The following NAALADL2 variants were observed in gnomAD, a reference collection of about 807,000 sequenced individuals.
NAALADL2 encodes inactive N-acetylated-alpha-linked acidic dipeptidase-like protein 2.
A neutral mutation model predicts 87.2 loss-of-function variants in NAALADL2; 76 were observed. The ratio of observed to expected loss-of-function variants is 0.87; its 90% CI spans 0.72 to 1.05. The LOEUF is 1.05. Among genes scored for constraint, NAALADL2 ranks in the 50% least tolerant of loss-of-function variants. The pLI is 0.00. For missense variants in NAALADL2, 1,089 were observed against 945.8 expected, an observed-to-expected ratio of 1.15 and a Z score of -1.99; for synonymous variants, 354 against 331.0, an observed-to-expected ratio of 1.07 and a Z score of -0.75.
chr3:175,789,352 T>G (rs1210781737), intron 13 of NAALADL2, among the ~76,000 whole-genome samples: 1 of 152,216 alleles, frequency 6.6e-6, no homozygotes. Context: ...CTCTTTTGTA[T>G]ATGTCTTCTC....
intron 11 of NAALADL2, chr3:175,718,712 G>T: frequency 6.9e-7 from 1 of 1,444,038 alleles, no homozygotes; most frequent in East Asian, 2.3e-5. Flanking sequence ...GATCACTTGA[G>T]GCGTGGAGAT....
At chr3:174,651,979 C>T (rs1219392490) in intron 2 of NAALADL2, among the ~76,000 whole-genome samples, 2 of 152,152 alleles carry the variant, frequency 1.3e-5, no homozygotes, top group Non-Finnish European at 2.9e-5. Context: ...AAGCTTGTCC[C>T]ATAACCAGCC....
intron 1 of NAALADL2, among the ~76,000 whole-genome samples, chr3:174,863,215 C>T (rs1473360966): frequency 6.6e-6 from 1 of 152,120 alleles, no homozygotes; most frequent in East Asian, 1.9e-4. Flanking sequence ...CTGCTCAAAA[C>T]TGCGTTTGCT....
chr3:175,287,760 G>C (rs1228600410), intron 4 of NAALADL2, among the ~76,000 whole-genome samples: 1 of 152,174 alleles, frequency 6.6e-6, no homozygotes, highest in Non-Finnish European at 1.5e-5. Flanking sequence ...AAATGGAATG[G>C]ATACATTTGC....
intron 1 of NAALADL2, among the ~76,000 whole-genome samples, chr3:174,468,716 G>T (rs1716693698): frequency 6.8e-6 from 1 of 147,932 alleles, no homozygotes; most frequent in Non-Finnish European, 1.5e-5. Context: ...AATATACCCA[G>T]ATTTACCTCT....
intron 1 of NAALADL2, among the ~76,000 whole-genome samples, chr3:175,050,120 C>T (rs771027470): frequency 1.3e-5 from 2 of 152,018 alleles, no homozygotes; most frequent in Non-Finnish European, 2.9e-5. Flanking sequence ...GTGAGTGTGC[C>T]CTGGGATGAA....
chr3:174,930,345 C>A (rs143949871), intron 1 of NAALADL2, among the ~76,000 whole-genome samples: 2 of 151,804 alleles, frequency 1.3e-5, no homozygotes, highest in Non-Finnish European at 2.9e-5. Flanking sequence ...GCTTTACTTG[C>A]GCTACATGTA....
intron 2 of NAALADL2, among the ~76,000 whole-genome samples, chr3:174,606,964 T>G (rs1406628259): frequency 6.6e-6 from 1 of 152,048 alleles, no homozygotes; most frequent in African/African-American, 2.4e-5. Flanking sequence ...TAACAGCGGA[T>G]CTCTCGGCAG....
At chr3:174,669,463 A>G (rs995560718) in intron 2 of NAALADL2, among the ~76,000 whole-genome samples, 30 of 152,108 alleles carry the variant, frequency 2.0e-4, no homozygotes, top group Non-Finnish European at 4.0e-4. Flanking sequence ...ACATGTGGCT[A>G]TCCAGTTTTC....
At chr3:174,559,843 T>G (rs1713366108) in intron 2 of NAALADL2, among the ~76,000 whole-genome samples, 1 of 152,168 alleles carries the variant, frequency 6.6e-6, no homozygotes, top group African/African-American at 2.4e-5. Context: ...AGGATTAAGA[T>G]TTCAAGGAAT....
At chr3:175,367,434 A>C (rs1008126283) in intron 5 of NAALADL2, among the ~76,000 whole-genome samples, 3 of 151,996 alleles carry the variant, frequency 2.0e-5, no homozygotes, top group Non-Finnish European at 4.4e-5. Context: ...CATTGAATCT[A>C]TAAATTACCT....
At chr3:174,894,594 C>CAA (rs869161862) in intron 1 of NAALADL2, among the ~76,000 whole-genome samples, 2 of 48,476 alleles carry the variant, frequency 4.1e-5, no homozygotes, top group Non-Finnish European at 7.0e-5. Context: ...AACTCCGTCT[C>CAA]AAAAAAAAAA....
chr3:175,652,846 C>T (rs904279359), intron 11 of NAALADL2, among the ~76,000 whole-genome samples: 4 of 151,956 alleles, frequency 2.6e-5, no homozygotes, highest in African/African-American at 9.7e-5. Flanking sequence ...TTGAACTATA[C>T]GGGGGTTAGG....
At chr3:175,017,916 C>T (rs745800714) in intron 1 of NAALADL2, among the ~76,000 whole-genome samples, 7 of 151,868 alleles carry the variant, frequency 4.6e-5, no homozygotes, top group Non-Finnish European at 7.4e-5. Context: ...TGCTGCTAAG[C>T]GGAGACCCTG....
intron 1 of NAALADL2, among the ~76,000 whole-genome samples, chr3:174,998,859 T>C (rs1487803311): frequency 6.6e-6 from 1 of 152,160 alleles, no homozygotes; most frequent in East Asian, 1.9e-4. Flanking sequence ...TTTATAGTGG[T>C]ATCATTAAAT....
chr3:175,202,960 C>A (rs115581933), intron 2 of NAALADL2, among the ~76,000 whole-genome samples: 2,891 of 152,072 alleles, frequency 0.019, 98 homozygotes, highest in African/African-American at 0.066. Context: ...GGTCTTGCAC[C>A]CACCTTCCCC....
At chr3:175,698,766 T>C (rs1402327771) in intron 11 of NAALADL2, among the ~76,000 whole-genome samples, 2 of 151,798 alleles carry the variant, frequency 1.3e-5, no homozygotes, top group African/African-American at 2.4e-5. Flanking sequence ...CCTCCAGCTT[T>C]ATAATCTTTG....
intron 2 of NAALADL2, among the ~76,000 whole-genome samples, chr3:175,215,337 A>C (rs1419972801): frequency 6.6e-6 from 1 of 152,114 alleles, no homozygotes; most frequent in Admixed American, 6.6e-5. Flanking sequence ...TTTCTTTAAC[A>C]ACATCCCAGC....
At chr3:175,042,306 A>G (rs1754167380) in intron 1 of NAALADL2, among the ~76,000 whole-genome samples, 1 of 152,174 alleles carries the variant, frequency 6.6e-6, no homozygotes, top group Non-Finnish European at 1.5e-5. Context: ...TTTCTTTGGA[A>G]TACTATATAT....
Sources: allele counts gnomAD v4.1 joint callset (sites outside exome capture counted in the v4.1 genomes callset), GRCh38; gene constraint gnomAD v4.1.1; transcripts MANE v1.5; gene names NCBI Gene and HGNC (gene_info 2026-07-23, HGNC 2026-07-21).